ASPM: variants seen among roughly 807,000 people sequenced by gnomAD.
The protein encoded by ASPM is abnormal spindle-like microcephaly-associated protein.
A neutral mutation model predicts 366.4 loss-of-function variants in ASPM; 256 were observed. The ratio of observed to expected loss-of-function variants is 0.70; its 90% confidence interval spans 0.63 to 0.77. The LOEUF (loss-of-function observed/expected upper bound fraction) is 0.77, where lower values mean the gene tolerates loss of function less well. Ranked by LOEUF, ASPM falls within the 30% of genes least tolerant of loss-of-function variation. The pLI is 0.00. For synonymous variants in ASPM, 1,414 were observed against 1,342.9 expected (o/e 1.05, Z -1.16); for missense variants, 4,146 against 4,090.4 (o/e 1.01, Z -0.37).
At chr1:197,134,264 T>C (rs940380241) in intron 5 of ASPM, among the ~76,000 whole-genome samples, 2 of 143,206 alleles carry the variant, frequency 1.4e-5, no homozygotes, top group African/African-American at 5.0e-5. Context: ...AAAAAAAAAC[T>C]AGCCAGGCAT....
Position 197,143,089 on chromosome 1 carries a change from T to C in ASPM, c.1163A>G (p.Asn388Ser). 1 of 1,613,182 alleles carries C rather than the reference T, an allele frequency of 6.2e-7. No homozygotes were observed. The highest frequency in any genetic ancestry group is 8.5e-7 in the Non-Finnish European group (1 of 1,179,224). Reference protein sequence around the residue: ...LNQDLESESVNPILSPNQFLK... With the variant: ...LNQDLESESVSPILSPNQFLK... ...AAATTGATTAGGGGATAAAATAGGA[T>C]TAACTGACTCTGATTCTAGATCCTG... Residue 388 changes from asparagine (N) to serine (S), a missense_variant, in exon 3 of 28, where the codon AAT (asparagine) becomes AGT (serine). Coordinates refer to ENST00000367409, the MANE Select transcript of ASPM (RefSeq NM_018136.5).
At position 197,104,791 on chromosome 1, in the gene ASPM, A is replaced by T. The variant is rs924267998; in HGVS notation, c.4460T>A (p.Ile1487Asn). 3 of 1,585,436 alleles carry T rather than the reference A, an allele frequency of 1.9e-6. No individual in the cohort carries two copies. The highest frequency in any genetic ancestry group is 2.6e-6 in the Non-Finnish European group (3 of 1,169,368). ...CTGAATGATAACAACACAAGATCTA[A>T]TATAAATATATTTCCGTAATTCTTT... ...MHKELRKYIY[I>N]RSCVVIIQKR... Residue 1487 changes from isoleucine (I) to asparagine (N), a missense_variant, in exon 18 of 28, where the codon ATT becomes AAT. Around this residue, in one of 3 missense-constraint regions of ASPM, gnomAD observed 3,624 missense variants for 3,591.7 expected, o/e 1.01. Coordinates refer to ENST00000367409, the MANE Select transcript of ASPM (RefSeq NM_018136.5).
At chr1:197,117,376 T>A (rs1657767681) in intron 17 of ASPM, among the ~76,000 whole-genome samples, 1 of 152,054 alleles carries the variant, frequency 6.6e-6, no homozygotes, top group Non-Finnish European at 1.5e-5. Flanking sequence ...AAGTACTATT[T>A]CCTTTACATG....
chr1:197,144,755 A>G (rs1658717005), intron 1 of ASPM, among the ~76,000 whole-genome samples: 1 of 152,224 alleles, frequency 6.6e-6, no homozygotes, highest in Middle Eastern at 3.2e-3. Flanking sequence ...TTTAACATCT[A>G]CACCCCACAC....
At chr1:197,123,805 T>C (rs1185814855) in intron 13 of ASPM, among the ~76,000 whole-genome samples, 4 of 152,158 alleles carry the variant, frequency 2.6e-5, no homozygotes, top group Non-Finnish European at 5.9e-5. Flanking sequence ...TGTGGGCTTA[T>C]TTGAATTGAA....
At position 197,104,311 on chromosome 1, in the gene ASPM, T is replaced by C. The variant is rs760160840; in HGVS notation, c.4940A>G (p.Gln1647Arg). 2 of 1,613,022 alleles carry C rather than the reference T, an allele frequency of 1.2e-6. No individual in the cohort carries two copies. The highest frequency in any genetic ancestry group is 2.7e-5 in the African/African-American group (2 of 74,834). Residue 1647 changes from glutamine (Q) to arginine (R), a missense_variant, in exon 18 of 28, where the codon CAA becomes CGA. Gln to Arg is a conservative substitution (Grantham distance 43). This residue lies in a region of ASPM where 3,624 missense variants were observed against 3,591.7 expected (regional missense o/e 1.01). Transcript: ENST00000367409. ...GATGTGAATATACATTTTCCTGGCT[T>C]GCATCCCTCTATATGCAGACTGCAG... ...IVLQSAYRGM[Q>R]ARKMYIHILT...
Position 197,130,215 on chromosome 1 carries a change from T to A in ASPM, c.2488-159A>T, listed in dbSNP as rs572764938. Among the ~76,000 whole-genome samples, 34 of 152,340 alleles carry A rather than the reference T, an allele frequency of 2.2e-4. No individual in the cohort carries two copies. In the Middle Eastern group the frequency reaches 0.017, roughly 76 times the overall value. The stretch of plus-strand genomic sequence containing the variant: ...ATAACTTCTTTAAACTATGCATATA[T>A]GATTTATGTATATCTTATTGTATAT... On this transcript the variant is annotated intron_variant, in intron 7 of 27. Transcript: ENST00000367409.
chr1:197,095,962 T>C lies in ASPM; in HGVS notation c.8987+36A>G, dbSNP rs550185646. 100 of 1,542,430 alleles carry C rather than the reference T, an allele frequency of 6.5e-5. 1 individual carries two copies. In the South Asian group the frequency reaches 9.9e-4, roughly 15 times the overall value. On this transcript the variant is annotated intron_variant, in intron 19 of 27. Coordinates refer to ENST00000367409, the MANE Select transcript of ASPM (RefSeq NM_018136.5). ...TAAAGACTTAGCTATCACACACAAA[T>C]ACTTTTACACTCTCCACAGAACTAT... is the stretch of plus-strand genomic sequence containing the variant.
At position 197,122,509 on chromosome 1, in the gene ASPM, G is replaced by T; in HGVS notation, c.3477C>A (p.Asp1159Glu). 3 of 1,613,456 alleles carry T rather than the reference G, an allele frequency of 1.9e-6. No homozygotes were observed. The highest frequency in any genetic ancestry group is 1.7e-6 in the Non-Finnish European group (2 of 1,179,666). ...HHYHPCYVPF[D>E]AICQRTTQTV... ...TTTGAGTAGTACGCTGACATATAGC[G>T]TCAAATGGCACATAGCAAGGATGGT... The change falls in exon 14 of 28, where the codon GAC becomes GAA. Residue 1159 changes from aspartate (D) to glutamate (E), a missense_variant. By Grantham distance (45) the Asp-to-Glu change is conservative. Transcript: ENST00000367409.
Position 197,125,191 on chromosome 1 carries a change from C to T in ASPM, c.2937G>A (p.Val979=), listed in dbSNP as rs1658053616. ...AVDLQCGVRL[V]RTMELLTQNW... ...TCTGTGTGAGAAGTTCCATGGTTCG[C>T]CTGGCAGTAATAAAATGTTCAGATG... The change falls in exon 11 of 28, where the codon GTG becomes GTA. Residue 979 remains valine, a splice_region_variant and synonymous_variant. Transcript: ENST00000367409. 6.2e-7 allele frequency: 1 copy of T among 1,613,822 alleles called. No individual in the cohort carries two copies.
intron 27 of ASPM, among the ~76,000 whole-genome samples, chr1:197,084,699 C>G (rs1294621196): frequency 6.6e-6 from 1 of 152,168 alleles, no homozygotes; most frequent in Non-Finnish European, 1.5e-5. Context: ...CTCTCAGTGT[C>G]TTATTCCTTG....
At chr1:197,099,917 A>T (rs1657099641) in intron 18 of ASPM, among the ~76,000 whole-genome samples, 1 of 151,656 alleles carries the variant, frequency 6.6e-6, no homozygotes, top group South Asian at 2.1e-4. Flanking sequence ...AATACTGTAC[A>T]TTCCTCACAC....
intron 19 of ASPM, 101 bp downstream of exon 19, chr1:197,095,895 CAA>C: frequency 9.3e-7 from 1 of 1,080,996 alleles, no homozygotes; most frequent in East Asian, 2.6e-5. Flanking sequence ...TTAAGCATAA[CAA>C]ATATTTAAAA....
In ASPM at chr1:197,090,871, A is replaced by G. The variant is rs1289838238; in HGVS notation, c.9615T>C (p.Thr3205=). 1.9e-6 allele frequency: 3 copies of G among 1,612,922 alleles called. No individual in the cohort carries two copies. The East Asian group carries it at 6.7e-5, about 36-fold the overall frequency. Residue 3205 remains threonine (T), a synonymous_variant, in exon 23 of 28, where the codon ACT becomes ACC. Coordinates refer to ENST00000367409, the MANE Select transcript of ASPM (RefSeq NM_018136.5). ...FLLRKKQEKF[T]SGIIKIQALW... ...TTACCTGAATTTTAATGATTCCACTAGTGAATTTTTCCTGCTTTTTACGGA... is the reference window on the plus strand; with the variant it reads ...TTACCTGAATTTTAATGATTCCACTGGTGAATTTTTCCTGCTTTTTACGGA...
rs1234203838 is a variant in ASPM at position 197,142,967 on chromosome 1, A to T, written c.1285T>A (p.Trp429Arg). Residue 429 changes from tryptophan to arginine, a missense_variant, in exon 3 of 28, where the codon TGG (tryptophan) becomes AGG (arginine). This residue lies in a region of ASPM where 3,624 missense variants were observed against 3,591.7 expected (regional missense o/e 1.01). Coordinates refer to ENST00000367409, the MANE Select transcript of ASPM (RefSeq NM_018136.5). ...NSQVPQSPED[W>R]RKSEVSPRIP... is the part of the protein sequence containing the mutation. ...CGTGGCGAAACTTCACTTTTTCTCCAATCTTCAGGAGACTGTGGGACTTGA... is the reference window on the plus strand; with the variant it reads ...CGTGGCGAAACTTCACTTTTTCTCCTATCTTCAGGAGACTGTGGGACTTGA... 1 of 1,613,848 alleles carries T rather than the reference A, an allele frequency of 6.2e-7. No homozygotes were observed. The highest frequency in any genetic ancestry group is 1.1e-5 in the South Asian group (1 of 91,080).
intron 5 of ASPM, among the ~76,000 whole-genome samples, chr1:197,134,548 A>C (rs1233545571): frequency 3.3e-5 from 5 of 152,258 alleles, no homozygotes; most frequent in Admixed American, 1.3e-4. Flanking sequence ...TTAAACATTC[A>C]TAAGAATTTT....
Position 197,104,356 on chromosome 1 carries a change from G to C in ASPM, c.4895C>G (p.Thr1632Arg). The C allele has an allele frequency of 6.2e-7, 1 of 1,613,046 alleles. No homozygotes were observed. Among genetic ancestry groups the C allele is most frequent in the South Asian group, 1.1e-5 (1 of 91,050 alleles). The change falls in exon 18 of 28, where the codon ACA (threonine) becomes AGA (arginine). Residue 1632 changes from threonine (T) to arginine (R), a missense_variant. Physicochemically the swap from Thr to Arg is moderately conservative, Grantham distance 71. This residue lies in a region of ASPM where 3,624 missense variants were observed against 3,591.7 expected (regional missense o/e 1.01). Coordinates refer to ENST00000367409, the MANE Select transcript of ASPM (RefSeq NM_018136.5). ...CTGCAGCACAATGACAGCAGAGCGT[G>C]TTTTCTGGTAAGATGCTAGAACTTT... ...AMKVLASYQK[T>R]RSAVIVLQSA...
At position 197,103,007 on chromosome 1, in the gene ASPM, T is replaced by C. The variant is rs756766919; in HGVS notation, c.6244A>G (p.Ile2082Val). ...TACTCCTTATGCTGATGGTTTGTAA[T>C]TTTAATACCTCGATACCATCTCTGA... is the stretch of plus-strand genomic sequence containing the variant. ...IIQRWYRGIK[I>V]TNHQHKEYLN... The change falls in exon 18 of 28, where the codon ATT becomes GTT. Residue 2082 changes from isoleucine (I) to valine (V), a missense_variant. Physicochemically the swap from Ile to Val is conservative, Grantham distance 29. Coordinates refer to ENST00000367409, the MANE Select transcript of ASPM (RefSeq NM_018136.5). The C allele has an allele frequency of 3.1e-6, 5 of 1,612,474 alleles. No homozygotes were observed. Among genetic ancestry groups the C allele is most frequent in the Non-Finnish European group, 4.2e-6 (5 of 1,179,196 alleles).
chr1:197,117,910 CTT>C lies in ASPM; in HGVS notation c.3942_3943del (p.Arg1315SerfsTer2). ...CTGAATGACGAGTGCTGCATTAACT[CTT>C]TTTCTCAATCTTTGTTTTGCTAGAA... On this transcript the variant is annotated frameshift_variant, in exon 17 of 28. Transcript: ENST00000367409. LOFTEE classifies it high-confidence loss of function. 6.2e-7 allele frequency: 1 copy of C among 1,613,514 alleles called. No homozygotes were observed. The highest frequency in any genetic ancestry group is 8.5e-7 in the Non-Finnish European group (1 of 1,179,588).
Sources: allele counts gnomAD v4.1 joint callset (sites outside exome capture counted in the v4.1 genomes callset), GRCh38; gene constraint gnomAD v4.1.1; regional missense constraint gnomAD v4.1.1; transcripts MANE v1.5; gene names NCBI Gene and HGNC (gene_info 2026-07-23, HGNC 2026-07-21).